The following NFE2L2 variants were observed in gnomAD, a reference collection of about 807,000 sequenced individuals.
NFE2L2 encodes NFE2 like bZIP transcription factor 2.
A neutral mutation model predicts 49.6 loss-of-function variants in NFE2L2; 20 were observed. The observed-to-expected ratio is 0.40, with a 90% confidence interval of 0.28 to 0.59. The LOEUF (loss-of-function observed/expected upper bound fraction) is 0.59, where lower values mean the gene tolerates loss of function less well. NFE2L2 is among the 20% of genes least tolerant of loss of function. NFE2L2 has a pLI of 0.40. For missense variants in NFE2L2, 578 were observed against 714.2 expected (o/e 0.81, Z 2.17); for synonymous variants, 244 against 256.5 (o/e 0.95, Z 0.47).
intron 1 of NFE2L2, among the ~76,000 whole-genome samples, chr2:177,240,892 A>G (rs1689918800): frequency 6.6e-6 from 1 of 152,224 alleles, no homozygotes; most frequent in African/African-American, 2.4e-5. Context: ...GTCCTAAATT[A>G]AAGCTATTCA....
In NFE2L2 at chr2:177,231,048, GTTTTCT is replaced by G. The variant is rs1251943916; in HGVS notation, c.1549_1554del (p.Arg517_Lys518del). On this transcript the variant is annotated inframe_deletion, in exon 5 of 5. Coordinates refer to ENST00000397062, the MANE Select transcript of NFE2L2 (RefSeq NM_006164.5). ...TGCTCTAGTTCTACTATATTTTCCA[GTTTTCT>G]TTTTCTGCAATTCTGAGCAGCCACT... The G allele has an allele frequency of 6.2e-7, 1 of 1,613,706 alleles. No individual in the cohort carries two copies. The highest frequency in any genetic ancestry group is 8.5e-7 in the Non-Finnish European group (1 of 1,179,996).
In NFE2L2 at chr2:177,230,373, A is replaced by G. The variant is rs1689494646; in HGVS notation, c.*412T>C. On this transcript the variant is annotated 3_prime_UTR_variant, in exon 5 of 5. Coordinates refer to ENST00000397062, the MANE Select transcript of NFE2L2 (RefSeq NM_006164.5). ...AAATTTTTTTTTTTTGCCAGAGCTA[A>G]ACAATTTAATATAAAAAATGCCATT... 1 of 233,208 alleles carries G rather than the reference A, an allele frequency of 4.3e-6. No individual in the cohort carries two copies. Among genetic ancestry groups the G allele is most frequent in the Non-Finnish European group, 8.5e-6 (1 of 118,100 alleles). 14.4% of individuals were successfully genotyped at this position (233,208 alleles called of 1,614,324 possible).
intron 1 of NFE2L2, among the ~76,000 whole-genome samples, chr2:177,258,437 A>G (rs1248873137): frequency 8.5e-5 from 13 of 152,182 alleles, no homozygotes; most frequent in Non-Finnish European, 1.5e-4. Flanking sequence ...ACCAGGGGCC[A>G]GGAGAGTTGA....
intron 3 of NFE2L2, 106 bp from the exon 4 acceptor site, chr2:177,232,689 T>A: frequency 9.0e-7 from 1 of 1,105,834 alleles, no homozygotes; most frequent in Non-Finnish European, 1.3e-6. Context: ...GTTCTGTGTC[T>A]CTCTACTTAC....
At chr2:177,263,695 C>G in intron 1 of NFE2L2, 1 of 985,512 alleles carries the variant, frequency 1.0e-6, no homozygotes, top group Non-Finnish European at 1.2e-6. Context: ...CCGGGTGCCG[C>G]CGACTCCGGC....
At chr2:177,263,301 A>G in intron 1 of NFE2L2, 1 of 926,358 alleles carries the variant, frequency 1.1e-6, no homozygotes, top group Non-Finnish European at 1.3e-6. Context: ...ACTGAAAAGG[A>G]AACATATATA....
chr2:177,231,325 T>C lies in NFE2L2; in HGVS notation c.1278A>G (p.Pro426=). 1 of 1,614,292 alleles carries C rather than the reference T, an allele frequency of 6.2e-7. No individual in the cohort carries two copies. The highest frequency in any genetic ancestry group is 8.5e-7 in the Non-Finnish European group (1 of 1,180,050). The part of the protein sequence containing the change: ...HVHDAQCENT[P]EKELPVSPGH... ...CAGGACTTACAGGCAATTCTTTCTCTGGTGTGTTCTCACATTGGGCATCAT... is the reference window on the plus strand; with the variant it reads ...CAGGACTTACAGGCAATTCTTTCTCCGGTGTGTTCTCACATTGGGCATCAT... The change falls in exon 5 of 5, where the codon CCA becomes CCG. Residue 426 remains proline (P), a synonymous_variant. Transcript: ENST00000397062.
chr2:177,240,650 TGG>T (rs1299610759), intron 1 of NFE2L2, among the ~76,000 whole-genome samples: 1 of 152,216 alleles, frequency 6.6e-6, no homozygotes, highest in Non-Finnish European at 1.5e-5. Context: ...ATTTGCCAAC[TGG>T]GTAATCTGTT....
intron 1 of NFE2L2, among the ~76,000 whole-genome samples, chr2:177,261,231 G>A (rs1285103890): frequency 6.6e-6 from 1 of 150,962 alleles, no homozygotes; most frequent in Non-Finnish European, 1.5e-5. Context: ...AATCCACCGA[G>A]GCCTCTGTGT....
At chr2:177,233,058 T>C in intron 3 of NFE2L2, 192 bp downstream of exon 3, 1 of 562,034 alleles carries the variant, frequency 1.8e-6, no homozygotes, top group Non-Finnish European at 3.0e-6. Flanking sequence ...GGGTTTTTTT[T>C]TTTCTTAATT....
At chr2:177,248,512 C>G (rs370023959) in intron 1 of NFE2L2, among the ~76,000 whole-genome samples, 1 of 152,126 alleles carries the variant, frequency 6.6e-6, no homozygotes, top group African/African-American at 2.4e-5. Context: ...CGGGTTCAAG[C>G]GATTCTCTTG....
At position 177,231,015 on chromosome 2, in the gene NFE2L2, C is replaced by G; in HGVS notation, c.1588G>C (p.Asp530His). Residue 530 changes from aspartate to histidine, a missense_variant, in exon 5 of 5, where the codon GAT becomes CAT. Around this residue, in one of 3 missense-constraint regions of NFE2L2, gnomAD observed 117 missense variants for 175.8 expected, o/e 0.67. Transcript: ENST00000397062. The stretch of plus-strand genomic sequence containing the variant: ...TTTTCTTTTTCATCTTTCAAATGAT[C>G]TAAATCTTGCTCTAGTTCTACTATA... ...ENIVELEQDLDHLKDEKEKLL... is the reference protein window; with the variant it reads ...ENIVELEQDLHHLKDEKEKLL... The G allele has an allele frequency of 6.2e-7, 1 of 1,612,352 alleles. No individual in the cohort carries two copies. Among genetic ancestry groups the G allele is most frequent in the South Asian group, 1.1e-5 (1 of 90,380 alleles).
intron 3 of NFE2L2, chr2:177,232,891 T>C (rs2105456133): frequency 2.2e-6 from 1 of 462,642 alleles, no homozygotes; most frequent in Non-Finnish European, 3.8e-6. Context: ...TTTATTAAAA[T>C]TGTTAACTGA....
chr2:177,247,942 C>T (rs1690195125), intron 1 of NFE2L2, among the ~76,000 whole-genome samples: 1 of 152,170 alleles, frequency 6.6e-6, no homozygotes, highest in Admixed American at 6.5e-5. Context: ...CTCAGCCTTT[C>T]TAATAGACAA....
chr2:177,252,326 CA>C (rs1274259318), intron 1 of NFE2L2, among the ~76,000 whole-genome samples: 1 of 152,160 alleles, frequency 6.6e-6, no homozygotes, highest in Admixed American at 6.5e-5. Flanking sequence ...CCCAGTGTTG[CA>C]GAGAGTCCAA....
chr2:177,247,684 C>CA (rs57701650), intron 1 of NFE2L2, among the ~76,000 whole-genome samples: 3,329 of 56,008 alleles, frequency 0.059, 75 homozygotes, highest in African/African-American at 0.13. Context: ...CCCCACCCCG[C>CA]AAAAAAAAAA....
At chr2:177,234,851 T>C (rs571709108) in intron 1 of NFE2L2, among the ~76,000 whole-genome samples, 1 of 152,186 alleles carries the variant, frequency 6.6e-6, no homozygotes, top group Admixed American at 6.5e-5. Flanking sequence ...GGCTTACCTA[T>C]ATGCCTGTAA....
At chr2:177,264,416 G>T in intron 1 of NFE2L2, 116 bp downstream of exon 1, 1 of 1,134,382 alleles carries the variant, frequency 8.8e-7, no homozygotes, top group Non-Finnish European at 1.2e-6. Flanking sequence ...CCGCGGTCCT[G>T]GCTCTGGCCA....
At chr2:177,262,367 G>A (rs1432046990) in intron 1 of NFE2L2, among the ~76,000 whole-genome samples, 2 of 152,190 alleles carry the variant, frequency 1.3e-5, no homozygotes, top group East Asian at 1.9e-4. Flanking sequence ...ACCTAATGGA[G>A]ATACTGAATC....
Sources: allele counts gnomAD v4.1 joint callset (sites outside exome capture counted in the v4.1 genomes callset), GRCh38; gene constraint gnomAD v4.1.1; regional missense constraint gnomAD v4.1.1; transcripts MANE v1.5; gene names NCBI Gene and HGNC (gene_info 2026-07-23, HGNC 2026-07-21).